Variants in HMMR observed in about 807,000 individuals in gnomAD.
HMMR encodes intracellular hyaluronic acid-binding protein.
In HMMR, 108 loss-of-function variants were observed where a neutral mutation model predicts 101.0. That is an observed-to-expected ratio of 1.07 (90% CI 0.92 to 1.25). HMMR has a LOEUF of 1.25. Among genes scored for constraint, HMMR ranks in the 50% most tolerant of loss-of-function variants. The probability of loss-of-function intolerance (pLI) is 0.00; values close to 1 mark genes in which losing one functional copy is unlikely to be tolerated. For synonymous variants in HMMR, 296 were observed against 276.4 expected, an observed-to-expected ratio of 1.07 and a Z score of -0.70; for missense variants, 813 against 788.7, an observed-to-expected ratio of 1.03 and a Z score of -0.37.
intron 1 of HMMR, among the ~76,000 whole-genome samples, chr5:163,461,700 G>A (rs1198355059): frequency 1.3e-5 from 2 of 151,864 alleles, no homozygotes; most frequent in Non-Finnish European, 2.9e-5. Context: ...GGAGAATGGC[G>A]TGAACCCGGG....
At chr5:163,463,678 A>G (rs1758610223) in intron 1 of HMMR, among the ~76,000 whole-genome samples, 178 bp from the exon 2 acceptor site, 1 of 152,206 alleles carries the variant, frequency 6.6e-6, no homozygotes, top group Non-Finnish European at 1.5e-5. Flanking sequence ...GGGCAAGATG[A>G]TATTGTTCTT....
chr5:163,467,005 A>G (rs1052939654), intron 3 of HMMR, among the ~76,000 whole-genome samples: 4 of 152,308 alleles, frequency 2.6e-5, no homozygotes, highest in Admixed American at 2.6e-4. Flanking sequence ...TGGAGCCCCA[A>G]AATAATAGTC....
intron 15 of HMMR, 130 bp downstream of exon 15, chr5:163,483,497 T>C: frequency 1.8e-6 from 1 of 549,606 alleles, no homozygotes; most frequent in Non-Finnish European, 3.3e-6. Context: ...CCAATTTAGC[T>C]CACTATTAAA....
chr5:163,489,850 G>T (rs555647767), intron 16 of HMMR, among the ~76,000 whole-genome samples: 1 of 152,206 alleles, frequency 6.6e-6, no homozygotes, highest in Non-Finnish European at 1.5e-5. Flanking sequence ...TGGGGGAAAA[G>T]AGGGCCCTGT....
intron 16 of HMMR, 130 bp downstream of exon 16, chr5:163,484,375 G>A: frequency 1.8e-6 from 1 of 543,186 alleles, no homozygotes; most frequent in Non-Finnish European, 3.2e-6. Context: ...ATTGAGCTGT[G>A]ATTTAGTGGA....
At chr5:163,468,354 A>G (rs560422629) in intron 4 of HMMR, among the ~76,000 whole-genome samples, 1 of 152,334 alleles carries the variant, frequency 6.6e-6, no homozygotes, top group Admixed American at 6.5e-5. Context: ...CATACTGGAC[A>G]GGGCATTTCC....
Position 163,460,748 on chromosome 5 carries a change from G to C in HMMR, c.46+10G>C, listed in dbSNP as rs2113443313. The C allele has an allele frequency of 6.2e-7, 1 of 1,605,872 alleles. No individual in the cohort carries two copies. Among genetic ancestry groups the C allele is most frequent in the Non-Finnish European group, 8.5e-7 (1 of 1,175,990 alleles). On this transcript the variant is annotated intron_variant, in intron 1 of 17. Transcript: ENST00000393915. ...TTCAATGACCCTTCTGGTGCGTAAG[G>C]GGGAAAGAGCTGGGGGACGGGAGAC...
chr5:163,474,792 T>A (rs1356461477), intron 10 of HMMR, among the ~76,000 whole-genome samples: 1 of 152,066 alleles, frequency 6.6e-6, no homozygotes, highest in Non-Finnish European at 1.5e-5. Context: ...GGTACTTACA[T>A]GCACTGATGT....
intron 10 of HMMR, 49 bp from the exon 11 acceptor site, chr5:163,475,409 C>G (rs748413063): frequency 3.6e-6 from 4 of 1,110,262 alleles, no homozygotes; most frequent in Non-Finnish European, 5.3e-6. Context: ...CTAGTACAAC[C>G]TCACAATGCC....
Position 163,490,538 on chromosome 5 carries a change from C to T in HMMR, c.2111C>T (p.Thr704Ile). 6.3e-7 allele frequency: 1 copy of T among 1,596,996 alleles called. No homozygotes were observed. Among genetic ancestry groups the T allele is most frequent in the Non-Finnish European group, 8.5e-7 (1 of 1,174,360 alleles). Reference sequence around the variant, plus strand: ...AGTAAAGAAAATTTTGCCCTGAAGACCCCATTAAAAGAAGGTAAGACATGA... The same window carrying T: ...AGTAAAGAAAATTTTGCCCTGAAGATCCCATTAAAAGAAGGTAAGACATGA... Reference protein sequence around the residue: ...HESKENFALKTPLKEGNTNCY... With the variant: ...HESKENFALKIPLKEGNTNCY... The change falls in exon 17 of 18, where the codon ACC (threonine) becomes ATC (isoleucine). Residue 704 changes from threonine (T) to isoleucine (I), a missense_variant. By Grantham distance (89) the Thr-to-Ile change is moderately conservative (BLOSUM62 -1). Coordinates refer to ENST00000393915, the MANE Select transcript of HMMR (RefSeq NM_001142556.2).
chr5:163,479,350 A>G (rs570388164), intron 12 of HMMR, among the ~76,000 whole-genome samples: 1 of 152,316 alleles, frequency 6.6e-6, no homozygotes, highest in Non-Finnish European at 1.5e-5. Flanking sequence ...TCAATATTAA[A>G]ACATGTTAAT....
chr5:163,477,068 G>T (rs865882221), intron 11 of HMMR, among the ~76,000 whole-genome samples: 2 of 152,036 alleles, frequency 1.3e-5, no homozygotes, highest in African/African-American at 4.8e-5. Context: ...CTTTTTTCCC[G>T]AACTCTAGTT....
At chr5:163,469,878 T>A in intron 5 of HMMR, 49 bp downstream of exon 5, 4 of 1,332,996 alleles carry the variant, frequency 3.0e-6, no homozygotes, top group East Asian at 2.4e-5. Flanking sequence ...TATAAACACG[T>A]TTTTTAGGGC....
Position 163,463,948 on chromosome 5 carries a change from CA to C in HMMR, c.144del (p.Glu49AsnfsTer37). The C allele has an allele frequency of 8.3e-7, 1 of 1,198,196 alleles. No individual in the cohort carries two copies. Among genetic ancestry groups the C allele is most frequent in the Admixed American group, 2.7e-5 (1 of 37,080 alleles). 74.2% of individuals were successfully genotyped at this position (1,198,196 alleles called of 1,614,324 possible). A position where few individuals can be genotyped will look rare whatever the true frequency, so the allele number is the denominator to read the frequency against. ...SFQKSQRFKQQKESKQNLNVD... is the reference protein window; with the variant it reads ...SFQKSQRFKQXKESKQNLNVD... ...TCAGAAATCACAAAGATTTAAACAA[CA>C]AAAAGGTAATATAGATCACCAAAGA... On this transcript the variant is annotated frameshift_variant, in exon 2 of 18. Transcript: ENST00000393915. LOFTEE classifies it high-confidence loss of function.
rs201547833 is a variant in HMMR at position 163,473,475 on chromosome 5, G to C, written c.822G>C (p.Gln274His). 2.6e-4 allele frequency: 415 copies of C among 1,598,194 alleles called. No individual in the cohort carries two copies. Among genetic ancestry groups the C allele is most frequent in the Non-Finnish European group, 3.4e-4 (402 of 1,167,084 alleles). Residue 274 changes from glutamine (Q) to histidine (H), a missense_variant, in exon 9 of 18, where the codon CAG (glutamine) becomes CAC (histidine). Transcript: ENST00000393915. ...EKNDEILSLK[Q>H]SLEENIVILS... ...ATGATGAAATTTTAAGCCTTAAGCA[G>C]TCTCTTGAGGAGAATATTGTTATAT... is the stretch of plus-strand genomic sequence containing the variant.
chr5:163,482,136 C>T (rs1261792513), intron 12 of HMMR, among the ~76,000 whole-genome samples: 1 of 152,076 alleles, frequency 6.6e-6, no homozygotes, highest in Non-Finnish European at 1.5e-5. Context: ...ATGCTGGTCT[C>T]GAACTCCTGA....
At chr5:163,472,416 G>A (rs1758927122) in intron 7 of HMMR, among the ~76,000 whole-genome samples, 1 of 152,046 alleles carries the variant, frequency 6.6e-6, no homozygotes, top group Admixed American at 6.6e-5. Flanking sequence ...CTGTGAACAT[G>A]TTTTATGTTT....
chr5:163,469,920 C>T, intron 5 of HMMR, 91 bp downstream of exon 5: 1 of 856,228 alleles, frequency 1.2e-6, no homozygotes, highest in Non-Finnish European at 1.8e-6. Flanking sequence ...GTGTTCCCAG[C>T]ATTTTGGGAG....
At chr5:163,488,109 G>T (rs1471029517) in intron 16 of HMMR, among the ~76,000 whole-genome samples, 2 of 152,160 alleles carry the variant, frequency 1.3e-5, no homozygotes, top group African/African-American at 4.8e-5. Flanking sequence ...ACCAGCTTTG[G>T]CCTCAAAATG....
Sources: gnomAD v4.1 joint callset for allele counts (sites outside exome capture counted in the v4.1 genomes callset) on GRCh38, gnomAD v4.1.1 for gene constraint, MANE v1.5 for transcripts, NCBI Gene and HGNC (gene_info 2026-07-23, HGNC 2026-07-21) for gene names.